ADAM22: variants seen among roughly 807,000 people sequenced by gnomAD.
ADAM22 encodes the protein disintegrin and metalloproteinase domain-containing protein 22.
In ADAM22, 65 loss-of-function variants were observed where a neutral mutation model predicts 144.6. That is an observed-to-expected ratio of 0.45 (90% CI 0.37 to 0.55). The LOEUF (loss-of-function observed/expected upper bound fraction) is 0.55, where lower values mean the gene tolerates loss of function less well. ADAM22 is among the 20% of genes least tolerant of loss of function. ADAM22 has a pLI of 0.00. For synonymous variants in ADAM22, 391 were observed against 412.6 expected (o/e 0.95, Z 0.63); for missense variants, 974 against 1,184.9 (o/e 0.82, Z 2.61).
intron 26 of ADAM22, among the ~76,000 whole-genome samples, chr7:88,177,211 G>A (rs1475267809): frequency 1.3e-5 from 2 of 150,884 alleles, no homozygotes; most frequent in African/African-American, 2.4e-5. Flanking sequence ...AAATATTAAT[G>A]TAATACAAAA....
At chr7:88,057,223 G>A (rs1292463161) in intron 3 of ADAM22, among the ~76,000 whole-genome samples, 1 of 151,764 alleles carries the variant, frequency 6.6e-6, no homozygotes, top group Non-Finnish European at 1.5e-5. Flanking sequence ...GCCTCCCAAA[G>A]TTCTAGGATT....
At chr7:88,081,231 G>C (rs1816509008) in intron 4 of ADAM22, among the ~76,000 whole-genome samples, 1 of 152,028 alleles carries the variant, frequency 6.6e-6, no homozygotes, top group Admixed American at 6.6e-5. Context: ...CAGAACCAAA[G>C]ACAAAAACCA....
chr7:88,191,493 G>A (rs577575588), intron 30 of ADAM22, among the ~76,000 whole-genome samples: 12 of 152,286 alleles, frequency 7.9e-5, no homozygotes, highest in Non-Finnish European at 1.8e-4. Context: ...AAAAGCTGAC[G>A]CCAGGTTAAT....
chr7:87,963,936 C>T (rs1414316998), intron 2 of ADAM22, among the ~76,000 whole-genome samples: 3 of 152,116 alleles, frequency 2.0e-5, no homozygotes, highest in Non-Finnish European at 4.4e-5. Context: ...TTTAAATATT[C>T]AGATGTGAGG....
rs201034214 is a variant in ADAM22 at position 88,148,956 on chromosome 7, G to A, written c.1486-21G>A. 1.3e-4 allele frequency: 206 copies of A among 1,586,338 alleles called. No homozygotes were observed. In the African/African-American group the frequency reaches 1.9e-3, roughly 15 times the overall value. On this transcript the variant is annotated intron_variant, in intron 17 of 31. Coordinates refer to ENST00000413139, the MANE Select transcript of ADAM22 (RefSeq NM_001324418.2). Reference sequence around the variant, plus strand: ...TTTTTTTCTCCCTACAGTTTCACACGTTGATTTTTGTTCATTTTAGTTTCA... The same window carrying A: ...TTTTTTTCTCCCTACAGTTTCACACATTGATTTTTGTTCATTTTAGTTTCA...
chr7:87,962,919 G>A (rs1407693597), intron 2 of ADAM22, among the ~76,000 whole-genome samples: 1 of 152,148 alleles, frequency 6.6e-6, no homozygotes, highest in Non-Finnish European at 1.5e-5. Context: ...AATTTGTCTC[G>A]AAGATCTGGA....
intron 2 of ADAM22, among the ~76,000 whole-genome samples, chr7:87,950,341 A>G (rs1480184520): frequency 7.7e-6 from 1 of 129,098 alleles, no homozygotes; most frequent in Non-Finnish European, 1.6e-5. Flanking sequence ...TCCTGTGTCC[A>G]TGTATTCTCA....
intron 2 of ADAM22, among the ~76,000 whole-genome samples, chr7:87,963,884 T>C (rs978829460): frequency 5.9e-5 from 9 of 152,218 alleles, no homozygotes; most frequent in Non-Finnish European, 1.2e-4. Flanking sequence ...GCTGAGTTCA[T>C]GCCAGTGAAG....
intron 2 of ADAM22, among the ~76,000 whole-genome samples, chr7:87,969,924 G>C (rs79253546): frequency 0.039 from 5,888 of 152,266 alleles, 158 homozygotes; most frequent in Non-Finnish European, 0.059. Flanking sequence ...GGAAAAGGGA[G>C]AGTAACATGG....
At chr7:88,076,100 C>T (rs999164121) in intron 4 of ADAM22, among the ~76,000 whole-genome samples, 17 of 152,104 alleles carry the variant, frequency 1.1e-4, no homozygotes, top group Admixed American at 3.3e-4. Context: ...TGCAACAGCG[C>T]GATCTCGGCT....
At chr7:88,157,003 G>A (rs1202033018) in intron 22 of ADAM22, among the ~76,000 whole-genome samples, 1 of 151,764 alleles carries the variant, frequency 6.6e-6, no homozygotes, top group Non-Finnish European at 1.5e-5. Flanking sequence ...CTTCTATAAT[G>A]AAACAAGAAA....
chr7:88,011,631 G>A (rs536640807), intron 3 of ADAM22, among the ~76,000 whole-genome samples: 37 of 152,142 alleles, frequency 2.4e-4, no homozygotes, highest in African/African-American at 8.7e-4. Flanking sequence ...TTAATAGTTG[G>A]CAATATGTGT....
At chr7:87,982,847 A>T (rs1246280015) in intron 3 of ADAM22, among the ~76,000 whole-genome samples, 1 of 150,432 alleles carries the variant, frequency 6.6e-6, no homozygotes, top group Admixed American at 6.6e-5. Context: ...GTGCACCACA[A>T]CACCCGGCTA....
intron 26 of ADAM22, among the ~76,000 whole-genome samples, chr7:88,177,679 T>G (rs1846016984): frequency 6.6e-6 from 1 of 152,100 alleles, no homozygotes; most frequent in Non-Finnish European, 1.5e-5. Flanking sequence ...TAAAATAATA[T>G]GAGAGTATTC....
In ADAM22 at chr7:88,155,948, C is replaced by A. The variant is rs1286881044; in HGVS notation, c.1849C>A (p.Leu617Ile). 6.2e-7 allele frequency: 1 copy of A among 1,613,322 alleles called. No individual in the cohort carries two copies. ...NIGNIPRLGE[L>I]DGEITSTLVV... ...TGGCAATATCCCAAGGCTTGGAGAA[C>A]TCGATGGTGAAATCACATCTACTTT... The change falls in exon 22 of 32, where the codon CTC (leucine) becomes ATC (isoleucine). Residue 617 changes from leucine to isoleucine, a missense_variant. Transcript: ENST00000413139.
chr7:88,126,122 A>G (rs1830336955), intron 8 of ADAM22, among the ~76,000 whole-genome samples: 1 of 152,084 alleles, frequency 6.6e-6, no homozygotes, highest in African/African-American at 2.4e-5. Context: ...TAGGTCATGG[A>G]CTTTATGATT....
intron 7 of ADAM22, among the ~76,000 whole-genome samples, chr7:88,120,071 A>T (rs1446358771): frequency 6.6e-6 from 1 of 152,084 alleles, no homozygotes; most frequent in African/African-American, 2.4e-5. Flanking sequence ...TTAATTCAGT[A>T]TATCTTGGGT....
At chr7:88,073,829 C>T (rs1368187750) in intron 3 of ADAM22, among the ~76,000 whole-genome samples, 2 of 152,206 alleles carry the variant, frequency 1.3e-5, no homozygotes, top group African/African-American at 4.8e-5. Flanking sequence ...CTAATAACAC[C>T]TGCTCAAGTG....
chr7:88,167,627 C>T (rs866367506), intron 24 of ADAM22, among the ~76,000 whole-genome samples: 6 of 152,170 alleles, frequency 3.9e-5, no homozygotes, highest in Admixed American at 6.6e-5. Context: ...CTATCACCTA[C>T]ATCACCTGGG....
Sources: allele counts gnomAD v4.1 joint callset (sites outside exome capture counted in the v4.1 genomes callset), GRCh38; gene constraint gnomAD v4.1.1; transcripts MANE v1.5; gene names NCBI Gene and HGNC (gene_info 2026-07-23, HGNC 2026-07-21).